SPECC1: variants seen among roughly 807,000 people sequenced by gnomAD.
SPECC1 encodes the protein cytospin-B.
SPECC1 carries 62 observed loss-of-function variants against 104.1 expected under a neutral mutation model. The ratio of observed to expected loss-of-function variants is 0.60; its 90% confidence interval spans 0.49 to 0.74. The LOEUF is 0.74. SPECC1 is among the 30% of genes least tolerant of loss of function. The probability of loss-of-function intolerance (pLI) is 0.00; values close to 1 mark genes in which losing one functional copy is unlikely to be tolerated. For missense variants in SPECC1, 1,306 were observed against 1,310.5 expected (o/e 1.00, Z 0.05); for synonymous variants, 513 against 501.6 (o/e 1.02, Z -0.30).
chr17:20,269,673 C>T (rs559855088), intron 12 of SPECC1, among the ~76,000 whole-genome samples: 17 of 152,220 alleles, frequency 1.1e-4, no homozygotes, highest in South Asian at 4.1e-4. Flanking sequence ...TGCACCCGGC[C>T]GGTTGGCAGC....
At chr17:20,248,562 A>G (rs145870044) in intron 9 of SPECC1, among the ~76,000 whole-genome samples, 3 of 152,282 alleles carry the variant, frequency 2.0e-5, no homozygotes, top group African/African-American at 4.8e-5. Context: ...GACACTGTCT[A>G]TAATTTTTGA....
chr17:20,172,758 C>A (rs557807898), intron 3 of SPECC1, among the ~76,000 whole-genome samples: 1 of 152,168 alleles, frequency 6.6e-6, no homozygotes, highest in African/African-American at 2.4e-5. Flanking sequence ...ATCTGCTTTA[C>A]CCCTCAAGGC....
intron 1 of SPECC1, among the ~76,000 whole-genome samples, chr17:20,077,475 T>G (rs1017135749): frequency 7.9e-5 from 12 of 152,084 alleles, no homozygotes; most frequent in African/African-American, 2.9e-4. Flanking sequence ...TGTTTTGTTT[T>G]TTTGTTTTTG....
chr17:20,212,535 C>T (rs954875545), intron 4 of SPECC1, among the ~76,000 whole-genome samples: 7 of 152,136 alleles, frequency 4.6e-5, no homozygotes, highest in Non-Finnish European at 7.3e-5. Flanking sequence ...CATCAGATCT[C>T]GTGAGACTTA....
chr17:20,299,203 T>G (rs577985277), intron 13 of SPECC1, among the ~76,000 whole-genome samples: 34 of 151,950 alleles, frequency 2.2e-4, no homozygotes, highest in Non-Finnish European at 4.9e-4. Flanking sequence ...CCTGATTAGA[T>G]GAGGCCCACC....
chr17:20,224,717 G>A (rs963888149), intron 4 of SPECC1, among the ~76,000 whole-genome samples: 26 of 152,094 alleles, frequency 1.7e-4, no homozygotes, highest in Admixed American at 1.0e-3. Context: ...TCAGGTCCAC[G>A]GTGGGTCTAG....
At chr17:20,099,621 G>A (rs758048939) in intron 2 of SPECC1, among the ~76,000 whole-genome samples, 8 of 149,336 alleles carry the variant, frequency 5.4e-5, no homozygotes, top group Non-Finnish European at 1.0e-4. Flanking sequence ...CTTGAACCTG[G>A]GAGGCGGAGG....
intron 1 of SPECC1, among the ~76,000 whole-genome samples, chr17:20,077,079 A>G (rs577659793): frequency 9.2e-5 from 14 of 152,244 alleles, no homozygotes; most frequent in Admixed American, 6.5e-4. Flanking sequence ...TATTTTCCCC[A>G]GTCTATTGTT....
chr17:20,192,080 G>A (rs1302391096), intron 3 of SPECC1, among the ~76,000 whole-genome samples: 1 of 152,062 alleles, frequency 6.6e-6, no homozygotes, highest in Admixed American at 6.5e-5. Flanking sequence ...GGGACTACAA[G>A]TGTAAGCCAC....
intron 1 of SPECC1, among the ~76,000 whole-genome samples, chr17:20,074,807 A>G (rs1417918513): frequency 6.6e-6 from 1 of 152,240 alleles, no homozygotes; most frequent in African/African-American, 2.4e-5. Flanking sequence ...GAGGGGGTGC[A>G]AAATAAGCAA....
intron 3 of SPECC1, among the ~76,000 whole-genome samples, chr17:20,171,981 G>A (rs530773018): frequency 6.6e-6 from 1 of 152,218 alleles, no homozygotes; most frequent in Non-Finnish European, 1.5e-5. Flanking sequence ...GCTTCTCCTA[G>A]TAGTATGCAG....
intron 4 of SPECC1, among the ~76,000 whole-genome samples, chr17:20,208,040 G>C (rs909708757): frequency 6.6e-6 from 1 of 152,002 alleles, no homozygotes; most frequent in African/African-American, 2.4e-5. Flanking sequence ...GGTAAATAGA[G>C]GCAATAAAAT....
intron 3 of SPECC1, among the ~76,000 whole-genome samples, chr17:20,146,980 T>G (rs982706208): frequency 6.6e-6 from 1 of 152,106 alleles, no homozygotes; most frequent in Non-Finnish European, 1.5e-5. Context: ...CCACCAGCAA[T>G]GAATGAGAGT....
At chr17:20,046,847 C>A (rs1296045867) in intron 1 of SPECC1, among the ~76,000 whole-genome samples, 1 of 141,234 alleles carries the variant, frequency 7.1e-6, no homozygotes, top group African/African-American at 2.7e-5. Context: ...AGACACGTCA[C>A]AAGGATCCGG....
intron 3 of SPECC1, among the ~76,000 whole-genome samples, chr17:20,128,946 G>A (rs2152544968): frequency 6.6e-6 from 1 of 152,230 alleles, no homozygotes; most frequent in African/African-American, 2.4e-5. Flanking sequence ...AGGCTGGAGT[G>A]CAATGGCATG....
chr17:20,161,053 A>G (rs1361622364), intron 3 of SPECC1, among the ~76,000 whole-genome samples: 1 of 152,184 alleles, frequency 6.6e-6, no homozygotes, highest in East Asian at 1.9e-4. Flanking sequence ...TCTACTAAAA[A>G]TACAAAAATT....
At chr17:20,028,361 G>A (rs2044680716) in intron 1 of SPECC1, among the ~76,000 whole-genome samples, 1 of 152,196 alleles carries the variant, frequency 6.6e-6, no homozygotes, top group African/African-American at 2.4e-5. Context: ...TGGGCTGGAT[G>A]TGGTGGCTCA....
chr17:20,196,744 A>C (rs2036062759), intron 3 of SPECC1, among the ~76,000 whole-genome samples: 1 of 152,238 alleles, frequency 6.6e-6, no homozygotes, highest in South Asian at 2.1e-4. Context: ...ACATGTCCCC[A>C]GGCCTTATCT....
chr17:20,301,018 C>A (rs919892359), intron 13 of SPECC1, among the ~76,000 whole-genome samples: 3 of 152,136 alleles, frequency 2.0e-5, no homozygotes, highest in Non-Finnish European at 4.4e-5. Flanking sequence ...CCTCCTGTTT[C>A]CTAAATGCCC....
Sources: gnomAD v4.1 joint callset for allele counts (sites outside exome capture counted in the v4.1 genomes callset) on GRCh38, gnomAD v4.1.1 for gene constraint, MANE v1.5 for transcripts, NCBI Gene and HGNC (gene_info 2026-07-23, HGNC 2026-07-21) for gene names.